Variants in AKR1D1 observed in about 807,000 individuals in gnomAD.
The protein encoded by AKR1D1 is aldo-keto reductase family 1 member D1.
In AKR1D1, 32 loss-of-function variants were observed where a neutral mutation model predicts 42.6. The ratio of observed to expected loss-of-function variants is 0.75; its 90% confidence interval spans 0.57 to 1.01. AKR1D1 has a LOEUF of 1.01. Ranked by LOEUF, AKR1D1 falls within the 50% of genes least tolerant of loss-of-function variation. The pLI, the probability that AKR1D1 is intolerant of heterozygous loss-of-function variation, is 0.00. For missense variants in AKR1D1, 364 were observed against 402.2 expected (o/e 0.91, Z 0.81); for synonymous variants, 123 against 135.5 (o/e 0.91, Z 0.64).
chr7:138,112,875 TATAA>T (rs1422906110), intron 7 of AKR1D1, among the ~76,000 whole-genome samples: 2 of 151,474 alleles, frequency 1.3e-5, no homozygotes, highest in Non-Finnish European at 2.9e-5. Flanking sequence ...AAAACCAGAA[TATAA>T]ATAAAGTATA....
rs527567326 is a variant in AKR1D1 at position 138,110,365 on chromosome 7, G to A, written c.855+2785G>A. Among the ~76,000 whole-genome samples the A allele has an allele frequency of 4.6e-5, 7 of 152,286 alleles. No individual in the cohort carries two copies. In the South Asian group the frequency reaches 8.3e-4, roughly 18 times the overall value. ...TGTAATCCCAGCACTTTGGGAGGCCGAGGCAGGAAGATTGCTTGAGACCAG... is the reference window on the plus strand; with the variant it reads ...TGTAATCCCAGCACTTTGGGAGGCCAAGGCAGGAAGATTGCTTGAGACCAG... On this transcript the variant is annotated intron_variant, in intron 7 of 8. Transcript: ENST00000242375.
At chr7:138,095,032 AC>A (rs1013619039) in intron 3 of AKR1D1, among the ~76,000 whole-genome samples, 22 of 152,296 alleles carry the variant, frequency 1.4e-4, no homozygotes, top group African/African-American at 5.1e-4. Context: ...ATAATACCTG[AC>A]TGTGAGGAAG....
intron 4 of AKR1D1, among the ~76,000 whole-genome samples, chr7:138,101,721 T>A (rs1585735198): frequency 6.6e-6 from 1 of 152,174 alleles, no homozygotes; most frequent in East Asian, 1.9e-4. Flanking sequence ...AAGATAAATC[T>A]AAAAGAATCT....
At chr7:138,113,421 A>C (rs1357268227) in intron 7 of AKR1D1, among the ~76,000 whole-genome samples, 1 of 152,170 alleles carries the variant, frequency 6.6e-6, no homozygotes, top group African/African-American at 2.4e-5. Flanking sequence ...AATTCTTCAC[A>C]TTTGAAATTT....
At chr7:138,083,502 T>C (rs948613424) in intron 1 of AKR1D1, among the ~76,000 whole-genome samples, 1 of 152,192 alleles carries the variant, frequency 6.6e-6, no homozygotes, top group African/African-American at 2.4e-5. Context: ...TTGTGAGATA[T>C]ACGGTTTGCA....
chr7:138,097,755 A>C, intron 3 of AKR1D1, 111 bp from the exon 4 acceptor site: 1 of 922,804 alleles, frequency 1.1e-6, no homozygotes, highest in Non-Finnish European at 1.7e-6. Context: ...ATTTAGAAAC[A>C]ATAGACATTG....
chr7:138,108,582 T>C (rs1794477554), intron 7 of AKR1D1, among the ~76,000 whole-genome samples: 2 of 152,196 alleles, frequency 1.3e-5, no homozygotes, highest in African/African-American at 2.4e-5. Context: ...TTTATTTATA[T>C]GTGGAACCTA....
At chr7:138,107,793 A>G (rs374241166) in intron 7 of AKR1D1, among the ~76,000 whole-genome samples, 1 of 152,114 alleles carries the variant, frequency 6.6e-6, no homozygotes, top group African/African-American at 2.4e-5. Flanking sequence ...CTTGTACACT[A>G]TCCAGATCTC....
At chr7:138,079,358 T>C (rs1200393126) in intron 1 of AKR1D1, among the ~76,000 whole-genome samples, 1 of 152,134 alleles carries the variant, frequency 6.6e-6, no homozygotes, top group Non-Finnish European at 1.5e-5. Flanking sequence ...TTAAGTCTTT[T>C]CTCCATTTTG....
intron 1 of AKR1D1, among the ~76,000 whole-genome samples, chr7:138,083,083 G>A (rs1174601715): frequency 6.6e-6 from 1 of 152,138 alleles, no homozygotes; most frequent in Non-Finnish European, 1.5e-5. Flanking sequence ...TGACCAACAT[G>A]TTCTAATATA....
chr7:138,079,917 C>T (rs1803017927), intron 1 of AKR1D1, among the ~76,000 whole-genome samples: 1 of 152,182 alleles, frequency 6.6e-6, no homozygotes, highest in African/African-American at 2.4e-5. Context: ...TGTAATTCTC[C>T]AACTGGGGCT....
chr7:138,105,675 T>C (rs979750233), intron 5 of AKR1D1, among the ~76,000 whole-genome samples: 6 of 152,076 alleles, frequency 3.9e-5, no homozygotes, highest in Admixed American at 2.0e-4. Flanking sequence ...GATCACGAGG[T>C]CGGGAGTTTG....
At position 138,088,602 on chromosome 7, in the gene AKR1D1, C is replaced by A; in HGVS notation, c.95C>A (p.Thr32Asn). 4 of 1,614,156 alleles carry A rather than the reference C, an allele frequency of 2.5e-6. No individual in the cohort carries two copies. The highest frequency in any genetic ancestry group is 2.5e-6 in the Non-Finnish European group (3 of 1,180,002). Residue 32 changes from threonine (T) to asparagine (N), a missense_variant and splice_region_variant, in exon 2 of 9, where the codon ACC (threonine) becomes AAC (asparagine). Coordinates refer to ENST00000242375, the MANE Select transcript of AKR1D1 (RefSeq NM_005989.4). ...GLGTYSEPKS[T>N]PKGACATSVK... ...AACCCAACCTCTTTGTCACTTCAGACCCCTAAGGGAGCCTGTGCAACATCG... is the reference window on the plus strand; with the variant it reads ...AACCCAACCTCTTTGTCACTTCAGAACCCTAAGGGAGCCTGTGCAACATCG...
At chr7:138,099,006 G>GT (rs572290102) in intron 4 of AKR1D1, among the ~76,000 whole-genome samples, 11 of 151,396 alleles carry the variant, frequency 7.3e-5, no homozygotes, top group Admixed American at 1.3e-4. Context: ...ACCTCTGGCA[G>GT]TTTTTTTTTC....
At chr7:138,076,759 A>G in intron 1 of AKR1D1, 148 bp downstream of exon 1, 1 of 709,268 alleles carries the variant, frequency 1.4e-6, no homozygotes, top group East Asian at 2.7e-5. Flanking sequence ...TGAAAGGACT[A>G]CTATTTACTG....
chr7:138,081,221 A>G (rs1342369481), intron 1 of AKR1D1, among the ~76,000 whole-genome samples: 1 of 152,160 alleles, frequency 6.6e-6, no homozygotes, highest in Non-Finnish European at 1.5e-5. Context: ...CACTTTTTCC[A>G]AGATTTCAAG....
intron 5 of AKR1D1, among the ~76,000 whole-genome samples, chr7:138,105,904 A>C (rs10244249): frequency 0.78 from 116,916 of 150,254 alleles, 45,354 homozygotes; most frequent in African/African-American, 0.82. Context: ...ACAACAACAA[A>C]AAAAAATCTA....
At chr7:138,108,188 A>G (rs1364418905) in intron 7 of AKR1D1, among the ~76,000 whole-genome samples, 1 of 152,220 alleles carries the variant, frequency 6.6e-6, no homozygotes, top group Non-Finnish European at 1.5e-5. Context: ...TCCCTCTATA[A>G]GTAATCTATG....
At position 138,116,877 on chromosome 7, in the gene AKR1D1, T is replaced by C; in HGVS notation, c.*215T>C. ...ATCTGTTGAAATAACTCTTAGGAAA[T>C]TATCAACTAATTTTTTCAGATCAGT... On this transcript the variant is annotated 3_prime_UTR_variant, in exon 9 of 9. Transcript: ENST00000242375. The C allele has an allele frequency of 5.7e-6, 3 of 528,682 alleles. No homozygotes were observed. The highest frequency in any genetic ancestry group is 9.9e-6 in the Non-Finnish European group (3 of 302,704). The allele number at this position is 528,682 out of a possible 1,614,324, so 32.7% of individuals were successfully genotyped here.
Sources: gnomAD v4.1 joint callset for allele counts (sites outside exome capture counted in the v4.1 genomes callset) on GRCh38, gnomAD v4.1.1 for gene constraint, MANE v1.5 for transcripts, NCBI Gene and HGNC (gene_info 2026-07-23, HGNC 2026-07-21) for gene names.